BRDT: variants seen among roughly 807,000 people sequenced by gnomAD.
BRDT encodes the protein bromodomain testis associated, also known as bromodomain testis-specific protein.
In BRDT, 77 loss-of-function variants were observed where a neutral mutation model predicts 113.9. That is an observed-to-expected ratio of 0.68 (90% confidence interval 0.56 to 0.82). The LOEUF (loss-of-function observed/expected upper bound fraction) is 0.82. BRDT is among the 40% of genes least tolerant of loss of function. The probability of loss-of-function intolerance (pLI) is 0.00; values close to 1 mark genes in which losing one functional copy is unlikely to be tolerated. For missense variants in BRDT, 1,027 were observed against 1,105.4 expected, an observed-to-expected ratio of 0.93 and a Z score of 1.01; for synonymous variants, 358 against 366.5, an observed-to-expected ratio of 0.98 and a Z score of 0.26.
intron 1 of BRDT, among the ~76,000 whole-genome samples, chr1:91,960,372 G>A (rs543313633): frequency 5.9e-5 from 9 of 152,176 alleles, no homozygotes; most frequent in Non-Finnish European, 1.0e-4. Context: ...AAAAGGAAGG[G>A]AAATTCTAAC....
At chr1:92,002,190 T>G (rs1423545265) in intron 16 of BRDT, 41 bp downstream of exon 16, 2 of 1,446,404 alleles carry the variant, frequency 1.4e-6, no homozygotes, top group Admixed American at 3.4e-5. Context: ...TTGAAGGGAT[T>G]TGAAATTGGG....
chr1:91,997,866 A>G (rs1045514060), intron 15 of BRDT, among the ~76,000 whole-genome samples: 8 of 152,172 alleles, frequency 5.3e-5, no homozygotes, highest in Non-Finnish European at 1.2e-4. Context: ...TTATAGAGAC[A>G]TTTTCTTTTT....
At chr1:92,001,680 A>G (rs966796134) in intron 15 of BRDT, among the ~76,000 whole-genome samples, 2 of 151,960 alleles carry the variant, frequency 1.3e-5, no homozygotes, top group Non-Finnish European at 2.9e-5. Flanking sequence ...TAGAGCATCA[A>G]AGCAAGACCC....
At chr1:91,969,535 CAAG>C (rs1381445776) in intron 4 of BRDT, among the ~76,000 whole-genome samples, 5 of 152,058 alleles carry the variant, frequency 3.3e-5, no homozygotes, top group African/African-American at 1.2e-4. Context: ...TAGGCTTCTA[CAAG>C]AAGATTTAAA....
intron 2 of BRDT, among the ~76,000 whole-genome samples, chr1:91,963,381 A>G (rs1682706261): frequency 6.6e-6 from 1 of 152,212 alleles, no homozygotes; most frequent in African/African-American, 2.4e-5. Flanking sequence ...TATCCCAATG[A>G]GTATTTTTTT....
At chr1:91,988,858 A>G (rs912774888) in intron 12 of BRDT, among the ~76,000 whole-genome samples, 6 of 152,386 alleles carry the variant, frequency 3.9e-5, no homozygotes, top group African/African-American at 1.4e-4. Context: ...TTAGTTTATT[A>G]TGCTCTTAAA....
intron 3 of BRDT, 143 bp downstream of exon 3, chr1:91,964,907 AT>A (rs1557811747): frequency 1.2e-4 from 49 of 403,152 alleles, no homozygotes; most frequent in South Asian, 2.2e-4. Context: ...GTGTGTGTAT[AT>A]AATTTTTTTT....
At chr1:91,976,161 T>TTAAAAAA in intron 4 of BRDT, 105 bp from the exon 5 acceptor site, 1 of 1,145,758 alleles carries the variant, frequency 8.7e-7, no homozygotes, top group Non-Finnish European at 1.2e-6. Context: ...TATCCTATGC[T>TTAAAAAA]TATATTGCTA....
At chr1:92,010,539 T>C (rs77120968) in intron 18 of BRDT, among the ~76,000 whole-genome samples, 10,155 of 152,110 alleles carry the variant, frequency 0.067, 400 homozygotes, top group African/African-American at 0.096. Flanking sequence ...TGCCTGCCTC[T>C]GCCTCCCAAA....
chr1:91,984,348 A>C (rs997896648), intron 12 of BRDT, among the ~76,000 whole-genome samples: 1 of 151,788 alleles, frequency 6.6e-6, no homozygotes, highest in African/African-American at 2.4e-5. Context: ...CAACACACAC[A>C]AAAAAAAGCC....
At chr1:91,977,555 TG>T (rs1356310033) in intron 6 of BRDT, 162 bp downstream of exon 6, 1 of 604,224 alleles carries the variant, frequency 1.7e-6, no homozygotes, top group Admixed American at 3.6e-5. Flanking sequence ...TATATCTTTT[TG>T]TTTTCTTCCA....
At chr1:91,963,788 CTTTTT>C (rs57708341) in intron 2 of BRDT, among the ~76,000 whole-genome samples, 4 of 119,558 alleles carry the variant, frequency 3.3e-5, no homozygotes, top group Non-Finnish European at 7.1e-5. Context: ...TCTTTATTGG[CTTTTT>C]TTTTTTTTTT....
intron 12 of BRDT, among the ~76,000 whole-genome samples, chr1:91,987,409 C>T (rs1435502772): frequency 3.3e-5 from 5 of 152,176 alleles, no homozygotes; most frequent in African/African-American, 1.2e-4. Flanking sequence ...TCTCGGCTCA[C>T]TGCAACCTAC....
At chr1:91,981,467 A>G in intron 11 of BRDT, 86 bp downstream of exon 11, 1 of 1,500,838 alleles carries the variant, frequency 6.7e-7, no homozygotes, top group Admixed American at 1.8e-5. Flanking sequence ...CTGGTCTTGA[A>G]CTCCTGGCCT....
intron 18 of BRDT, among the ~76,000 whole-genome samples, chr1:92,008,770 C>T (rs1687552978): frequency 6.6e-6 from 1 of 152,192 alleles, no homozygotes; most frequent in African/African-American, 2.4e-5. Flanking sequence ...GCAGCCTTTT[C>T]AGATTGTTGT....
chr1:91,968,600 GC>G (rs1433502325), intron 4 of BRDT, among the ~76,000 whole-genome samples: 1 of 151,962 alleles, frequency 6.6e-6, no homozygotes, highest in Non-Finnish European at 1.5e-5. Context: ...AATTGCTAGT[GC>G]TCTCTGTATT....
At chr1:91,963,400 AAAG>A (rs1386535000) in intron 2 of BRDT, among the ~76,000 whole-genome samples, 3 of 152,316 alleles carry the variant, frequency 2.0e-5, no homozygotes, top group Non-Finnish European at 2.9e-5. Flanking sequence ...TTCCAAGAAA[AAAG>A]CTTATTTTTC....
chr1:91,979,036 C>T (rs1570529136), intron 7 of BRDT, among the ~76,000 whole-genome samples: 1 of 142,122 alleles, frequency 7.0e-6, no homozygotes, highest in African/African-American at 2.6e-5. Flanking sequence ...CAAAAAAAAC[C>T]CTATATTACT....
At position 91,979,600 on chromosome 1, in the gene BRDT, C is replaced by G; in HGVS notation, c.1130C>G (p.Pro377Arg). The change falls in exon 8 of 19, where the codon CCG (proline) becomes CGG (arginine). Residue 377 changes from proline to arginine, a missense_variant. Coordinates refer to ENST00000399546, the MANE Select transcript of BRDT (RefSeq NM_207189.4). ...TTCGAAACGCATTTTTCAAAGATCC[C>G]GATTGAACCTGTTGAGAGTATGCCT... ...DVFETHFSKI[P>R]IEPVESMPLC... 6.2e-7 allele frequency: 1 copy of G among 1,609,872 alleles called. No homozygotes were observed. Among genetic ancestry groups the G allele is most frequent in the Non-Finnish European group, 8.5e-7 (1 of 1,179,140 alleles).
Sources: allele counts gnomAD v4.1 joint callset (sites outside exome capture counted in the v4.1 genomes callset), GRCh38; gene constraint gnomAD v4.1.1; transcripts MANE v1.5; gene names NCBI Gene and HGNC (gene_info 2026-07-23, HGNC 2026-07-21).